The following UBE2G1 variants were observed in gnomAD, a reference collection of about 807,000 sequenced individuals.
The protein encoded by UBE2G1 is ubiquitin-conjugating enzyme E2 G1.
A neutral mutation model predicts 22.7 loss-of-function variants in UBE2G1; 5 were observed. The observed-to-expected ratio is 0.22, with a 90% CI of 0.12 to 0.46. The LOEUF (loss-of-function observed/expected upper bound fraction) is 0.46. UBE2G1 is among the 20% of genes least tolerant of loss of function. The pLI, the probability that UBE2G1 is intolerant of heterozygous loss-of-function variation, is 0.99. For missense variants in UBE2G1, 88 were observed against 203.9 expected (o/e 0.43, Z 3.46); for synonymous variants, 74 against 67.5 (o/e 1.10, Z -0.47).
intron 3 of UBE2G1, among the ~76,000 whole-genome samples, chr17:4,295,542 C>G (rs936584296): frequency 1.3e-5 from 2 of 152,158 alleles, no homozygotes; most frequent in African/African-American, 4.8e-5. Flanking sequence ...TTAAACTAAT[C>G]TATATGTTTC....
chr17:4,327,565 A>G (rs1387447108), intron 1 of UBE2G1, among the ~76,000 whole-genome samples: 3 of 152,154 alleles, frequency 2.0e-5, no homozygotes, highest in Admixed American at 6.6e-5. Context: ...CAGGATAAAG[A>G]GGGATGAGGA....
chr17:4,313,493 T>C (rs11868844), intron 1 of UBE2G1, among the ~76,000 whole-genome samples: 294 of 152,224 alleles, frequency 1.9e-3, no homozygotes, highest in African/African-American at 6.7e-3. Flanking sequence ...TATCTAGAGA[T>C]AAAATTAAGA....
At chr17:4,359,384 T>C (rs1224158199) in intron 1 of UBE2G1, among the ~76,000 whole-genome samples, 3 of 152,336 alleles carry the variant, frequency 2.0e-5, no homozygotes, top group Admixed American at 1.3e-4. Flanking sequence ...TCTAAGTCAC[T>C]GGACATGGGT....
intron 4 of UBE2G1, among the ~76,000 whole-genome samples, chr17:4,283,571 A>C (rs1288926148): frequency 6.6e-6 from 1 of 152,190 alleles, no homozygotes; most frequent in Non-Finnish European, 1.5e-5. Context: ...GAAAATAAAC[A>C]TAAAAGTGTC....
chr17:4,362,794 G>A (rs969134165), intron 1 of UBE2G1, among the ~76,000 whole-genome samples: 2 of 152,108 alleles, frequency 1.3e-5, no homozygotes, highest in Non-Finnish European at 1.5e-5. Context: ...CCTGGGAGGC[G>A]GAGGTTGCAG....
chr17:4,355,493 T>C (rs1339109654), intron 1 of UBE2G1, among the ~76,000 whole-genome samples: 1 of 148,320 alleles, frequency 6.7e-6, no homozygotes, highest in Non-Finnish European at 1.5e-5. Context: ...AATACAAAAA[T>C]TAGCCGGTTG....
intron 1 of UBE2G1, among the ~76,000 whole-genome samples, chr17:4,357,515 G>C (rs553378046): frequency 1.3e-5 from 1 of 76,944 alleles, no homozygotes; most frequent in African/African-American, 4.7e-5. Context: ...GTGTGGGGGG[G>C]GGGGGTGGGT....
intron 1 of UBE2G1, among the ~76,000 whole-genome samples, chr17:4,318,158 G>A (rs969381327): frequency 1.3e-5 from 2 of 152,168 alleles, no homozygotes; most frequent in Non-Finnish European, 2.9e-5. Context: ...ATATGCGAAA[G>A]TCTGACCCAG....
intron 5 of UBE2G1, among the ~76,000 whole-genome samples, chr17:4,277,755 T>C (rs1968837692): frequency 1.3e-5 from 2 of 151,442 alleles, no homozygotes; most frequent in Non-Finnish European, 2.9e-5. Flanking sequence ...TAGTGAGTTT[T>C]CGTTCACGTC....
At chr17:4,283,014 T>G in intron 4 of UBE2G1, 93 bp from the exon 5 acceptor site, 1 of 1,054,862 alleles carries the variant, frequency 9.5e-7, no homozygotes, top group Non-Finnish European at 1.4e-6. Context: ...AATCCCTTGG[T>G]GATTTGTACA....
At chr17:4,280,048 T>C (rs1380021195) in intron 5 of UBE2G1, among the ~76,000 whole-genome samples, 1 of 151,408 alleles carries the variant, frequency 6.6e-6, no homozygotes, top group Non-Finnish European at 1.5e-5. Context: ...TTTTTTTTTT[T>C]TTTTTGAGAT....
chr17:4,316,768 T>C (rs1356806131), intron 1 of UBE2G1, among the ~76,000 whole-genome samples: 7 of 151,790 alleles, frequency 4.6e-5, no homozygotes, highest in Admixed American at 4.6e-4. Context: ...GAGGATCGCT[T>C]AAGGGCAGGA....
At chr17:4,281,264 C>A (rs756062032) in intron 5 of UBE2G1, among the ~76,000 whole-genome samples, 6 of 152,058 alleles carry the variant, frequency 3.9e-5, no homozygotes, top group Non-Finnish European at 7.4e-5. Flanking sequence ...GAATATTGAG[C>A]AATAAAAGTA....
intron 4 of UBE2G1, among the ~76,000 whole-genome samples, chr17:4,284,240 A>C (rs947826159): frequency 1.3e-5 from 2 of 151,958 alleles, no homozygotes; most frequent in African/African-American, 2.4e-5. Flanking sequence ...CCTATATCCA[A>C]AATTTTAACT....
intron 1 of UBE2G1, among the ~76,000 whole-genome samples, chr17:4,350,975 G>A (rs1469418383): frequency 1.3e-5 from 2 of 150,772 alleles, no homozygotes; most frequent in African/African-American, 2.4e-5. Context: ...AGAGCTTGCA[G>A]TGACCCGAGA....
intron 1 of UBE2G1, among the ~76,000 whole-genome samples, chr17:4,329,109 G>GAAAAAAAAAAAAAAAAAA (rs56962666): frequency 1.1e-5 from 1 of 91,760 alleles, no homozygotes; most frequent in Non-Finnish European, 2.1e-5. Context: ...GTCTCAAAAA[G>GAAAAAAAAAAAAAAAAAA]AAAAAAAAAA....
At chr17:4,303,818 C>G (rs1330252572) in intron 2 of UBE2G1, among the ~76,000 whole-genome samples, 1 of 152,122 alleles carries the variant, frequency 6.6e-6, no homozygotes, top group Admixed American at 6.5e-5. Context: ...GGCAATACTA[C>G]AAAACACATA....
intron 5 of UBE2G1, among the ~76,000 whole-genome samples, chr17:4,277,866 G>A (rs1441345045): frequency 6.6e-6 from 1 of 151,948 alleles, no homozygotes; most frequent in East Asian, 1.9e-4. Flanking sequence ...AGGTGAGGCT[G>A]CTGACTATTC....
intron 1 of UBE2G1, among the ~76,000 whole-genome samples, chr17:4,343,665 T>A (rs909034067): frequency 6.6e-6 from 1 of 151,350 alleles, no homozygotes. Flanking sequence ...CTCGGCTCAC[T>A]GCAAGCTCCG....
Sources: allele counts gnomAD v4.1 joint callset (sites outside exome capture counted in the v4.1 genomes callset), GRCh38; gene constraint gnomAD v4.1.1; transcripts MANE v1.5; gene names NCBI Gene and HGNC (gene_info 2026-07-23, HGNC 2026-07-21).